The following TXNDC5 variants were observed in gnomAD, a reference collection of about 807,000 sequenced individuals.
TXNDC5 encodes the protein thioredoxin domain-containing protein 5.
Under a neutral mutation model 52.6 loss-of-function variants are expected in TXNDC5, and 44 were observed. That is an observed-to-expected ratio of 0.84 (90% CI 0.66 to 1.08). The LOEUF (loss-of-function observed/expected upper bound fraction) is 1.08. Among genes scored for constraint, TXNDC5 ranks in the 50% least tolerant of loss-of-function variants. The pLI is 0.00. For missense variants in TXNDC5, 600 were observed against 565.5 expected (o/e 1.06, Z -0.62); for synonymous variants, 241 against 234.4 (o/e 1.03, Z -0.26).
intron 9 of TXNDC5, among the ~76,000 whole-genome samples, chr6:7,884,044 A>G (rs1169776163): frequency 6.6e-6 from 1 of 152,244 alleles, no homozygotes; most frequent in Non-Finnish European, 1.5e-5. Flanking sequence ...CCACTGGTCA[A>G]TCATCAAGAG....
At chr6:7,908,389 C>T (rs1760806079) in intron 1 of TXNDC5, among the ~76,000 whole-genome samples, 1 of 151,734 alleles carries the variant, frequency 6.6e-6, no homozygotes, top group Non-Finnish European at 1.5e-5. Context: ...TTACTTAATA[C>T]CAAGTGCCCA....
chr6:7,900,602 T>C (rs1760532027), intron 2 of TXNDC5, among the ~76,000 whole-genome samples: 2 of 152,190 alleles, frequency 1.3e-5, no homozygotes, highest in African/African-American at 4.8e-5. Context: ...ACATGAAGGT[T>C]TGAATAGTGT....
At chr6:7,893,567 G>A (rs550589872) in intron 4 of TXNDC5, among the ~76,000 whole-genome samples, 23 of 152,324 alleles carry the variant, frequency 1.5e-4, no homozygotes, top group South Asian at 2.1e-4. Flanking sequence ...TGCCGGAGTC[G>A]GTCCGTAACA....
intron 8 of TXNDC5, among the ~76,000 whole-genome samples, chr6:7,885,619 T>G (rs1759939867): frequency 6.6e-6 from 1 of 152,220 alleles, no homozygotes; most frequent in South Asian, 2.1e-4. Context: ...AAAAGCCATC[T>G]ATTTGGAAAA....
At chr6:7,905,371 A>G (rs990263944) in intron 1 of TXNDC5, among the ~76,000 whole-genome samples, 1 of 152,192 alleles carries the variant, frequency 6.6e-6, no homozygotes. Context: ...ACATAAGGCA[A>G]TCTCAAAATT....
rs1160589690 is a variant in TXNDC5, at chr6:7,910,460, C to G, written c.263+54G>C. ...CCCCGCCCGCGGCGCCCAAGCGCCC[C>G]ACGCCCCGCGAAGCGCCAAGTGCGG... On this transcript the variant is annotated intron_variant, in intron 1 of 9. Transcript: ENST00000379757. The G allele has an allele frequency of 4.4e-6, 6 of 1,350,302 alleles. No homozygotes were observed. The African/African-American group carries it at 9.4e-5, about 21-fold the overall frequency. 83.6% of individuals were successfully genotyped at this position (1,350,302 alleles called of 1,614,324 possible).
In TXNDC5 at chr6:7,883,088, ACTC is replaced by A. The variant is rs1036059451; in HGVS notation, c.*53_*55del. ...AACCCAGTGGCCTCTGTGGGACTGA[ACTC>A]CTAAACGCAGGGTGCGGGAGCTGGG... On this transcript the variant is annotated 3_prime_UTR_variant, in exon 10 of 10. Coordinates refer to ENST00000379757, the MANE Select transcript of TXNDC5 (RefSeq NM_030810.5). 4.0e-5 allele frequency: 64 copies of A among 1,610,020 alleles called. 1 individual carries two copies. The African/African-American group carries it at 7.2e-4, about 18-fold the overall frequency.
intron 7 of TXNDC5, among the ~76,000 whole-genome samples, chr6:7,887,574 G>C (rs1760034302): frequency 6.6e-6 from 1 of 152,148 alleles, no homozygotes; most frequent in African/African-American, 2.4e-5. Context: ...CACGGCTGCA[G>C]CATGAGGGAA....
chr6:7,899,795 T>C (rs1225954), intron 2 of TXNDC5, 114 bp from the exon 3 acceptor site: 206,209 of 641,936 alleles, frequency 0.32, 38,612 homozygotes, highest in East Asian at 0.69. Context: ...CAGCCAGGCA[T>C]GTATCTGCTC....
chr6:7,889,477 T>C lies in TXNDC5; in HGVS notation c.819+18A>G. The C allele has an allele frequency of 6.2e-7, 1 of 1,610,742 alleles. No homozygotes were observed. The highest frequency in any genetic ancestry group is 2.2e-5 in the East Asian group (1 of 44,768). ...TTAAGAGATGAAGAATTCTCAGTAC[T>C]AAGAAGTGCAGACGTACCTTTTTCC... On this transcript the variant is annotated intron_variant, in intron 6 of 9. Coordinates refer to ENST00000379757, the MANE Select transcript of TXNDC5 (RefSeq NM_030810.5).
In TXNDC5 at chr6:7,882,710, C is replaced by T. The variant is rs187157283; in HGVS notation, c.*434G>A. ...AACTGTGACCTTAAGATCAGAGGAA[C>T]GTCAATACTGCCACAAGGCCACCTT... On this transcript the variant is annotated 3_prime_UTR_variant, in exon 10 of 10. Transcript: ENST00000379757. 59 of 180,566 alleles carry T rather than the reference C, an allele frequency of 3.3e-4. No individual in the cohort carries two copies. Among genetic ancestry groups the T allele is most frequent in the Admixed American group, 6.6e-4 (12 of 18,310 alleles). 11.2% of individuals were successfully genotyped at this position (180,566 alleles called of 1,614,324 possible).
At chr6:7,895,816 C>A (rs900359312) in intron 3 of TXNDC5, among the ~76,000 whole-genome samples, 1 of 151,988 alleles carries the variant, frequency 6.6e-6, no homozygotes, top group Non-Finnish European at 1.5e-5. Context: ...CAGAGTGAGA[C>A]CCCATCGCTA....
intron 5 of TXNDC5, among the ~76,000 whole-genome samples, chr6:7,890,391 G>C (rs906788558): frequency 2.0e-5 from 3 of 152,154 alleles, no homozygotes; most frequent in Admixed American, 2.0e-4. Context: ...CCCAAGGTCG[G>C]GAGAGGACAA....
chr6:7,882,962 C>T lies in TXNDC5; in HGVS notation c.*182G>A, dbSNP rs147425159. ...TACACATTTACTTAGAGAAACTTAA[C>T]TTAATAAAGAATCTGTAGAGTGTGT... On this transcript the variant is annotated 3_prime_UTR_variant, in exon 10 of 10. Coordinates refer to ENST00000379757, the MANE Select transcript of TXNDC5 (RefSeq NM_030810.5). The T allele has an allele frequency of 6.3e-4, 456 of 724,390 alleles. 8 individuals are homozygous for T. In the East Asian group the frequency reaches 0.012, roughly 20 times the overall value. The allele number at this position is 724,390 out of a possible 1,614,324, so 44.9% of individuals were successfully genotyped here. A position where few individuals can be genotyped will look rare whatever the true frequency, so the allele number is the denominator to read the frequency against.
At chr6:7,906,750 G>A (rs1760749838) in intron 1 of TXNDC5, among the ~76,000 whole-genome samples, 1 of 151,628 alleles carries the variant, frequency 6.6e-6, no homozygotes, top group South Asian at 2.1e-4. Context: ...ATGTGGCGGG[G>A]GAGAAGGAAA....
At chr6:7,899,480 C>T (rs1760486068) in intron 3 of TXNDC5, 96 bp downstream of exon 3, 1 of 786,048 alleles carries the variant, frequency 1.3e-6, no homozygotes, top group Non-Finnish European at 2.0e-6. Flanking sequence ...AATCATTAAC[C>T]TCAACTGGCC....
intron 6 of TXNDC5, 93 bp downstream of exon 6, chr6:7,889,402 T>C (rs1007241503): frequency 9.9e-7 from 1 of 1,014,746 alleles, no homozygotes; most frequent in Non-Finnish European, 1.5e-6. Flanking sequence ...CAATCAAGAT[T>C]GGCAATTCAC....
intron 3 of TXNDC5, among the ~76,000 whole-genome samples, 153 bp from the exon 4 acceptor site, chr6:7,895,355 C>A (rs980765316): frequency 2.0e-5 from 3 of 152,110 alleles, no homozygotes; most frequent in Admixed American, 6.5e-5. Context: ...CTGAGTGAGG[C>A]CAGGTCAGGA....
intron 9 of TXNDC5, 21 bp downstream of exon 9, chr6:7,884,323 CTGAGAGCTCCCATAA>C: frequency 6.2e-7 from 1 of 1,612,936 alleles, no homozygotes. Context: ...TGCCCCCATA[CTGAGAGCTCCCATAA>C]GCATCCATCC....
Sources: gnomAD v4.1 joint callset for allele counts (sites outside exome capture counted in the v4.1 genomes callset) on GRCh38, gnomAD v4.1.1 for gene constraint, MANE v1.5 for transcripts, NCBI Gene and HGNC (gene_info 2026-07-23, HGNC 2026-07-21) for gene names.